The following HDAC8 variants were observed in gnomAD, a reference collection of about 807,000 sequenced individuals.
HDAC8 encodes the protein histone deacetylase 8, also known as histone deacetylase-like 1.
A neutral mutation model predicts 32.2 loss-of-function variants in HDAC8; 1 was observed. That is an observed-to-expected ratio of 0.03 (90% CI 0.01 to 0.15). The LOEUF is 0.15. Among genes scored for constraint, HDAC8 ranks in the 10% least tolerant of loss-of-function variants. The pLI is 1.00. For synonymous variants in HDAC8, 108 were observed against 113.9 expected (o/e 0.95, Z 0.33); for missense variants, 117 against 300.0 (o/e 0.39, Z 4.51).
intron 9 of HDAC8, among the ~76,000 whole-genome samples, chrX:72,419,985 A>G (rs978046627): frequency 9.0e-6 from 1 of 111,551 alleles, no homozygotes; most frequent in African/African-American, 3.2e-5. Context: ...TGACGTTAAT[A>G]TATGGTTAGA....
chrX:72,413,870 T>A (rs781802246), intron 9 of HDAC8, among the ~76,000 whole-genome samples: 14 of 112,281 alleles, frequency 1.2e-4, no homozygotes, highest in African/African-American at 3.9e-4. Context: ...GTCTCAGGTA[T>A]GTCCTTATAG....
At chrX:72,397,366 A>C (rs2045791779) in intron 9 of HDAC8, among the ~76,000 whole-genome samples, 1 of 112,188 alleles carries the variant, frequency 8.9e-6, no homozygotes. Context: ...CTACTCTGAA[A>C]GTGTCAGAGA....
At chrX:72,357,721 G>C (rs781852278) in intron 9 of HDAC8, among the ~76,000 whole-genome samples, 1 of 110,433 alleles carries the variant, frequency 9.1e-6, no homozygotes, top group African/African-American at 3.3e-5. Context: ...GACTCCCAGC[G>C]GATGCCTAAA....
At chrX:72,560,212 T>C (rs1182698162) in intron 4 of HDAC8, among the ~76,000 whole-genome samples, 1 of 112,211 alleles carries the variant, frequency 8.9e-6, no homozygotes, top group African/African-American at 3.2e-5. Context: ...TTTTGTTCTG[T>C]ACTAAGAAAA....
chrX:72,429,015 C>CTTTTTTT, intron 9 of HDAC8, among the ~76,000 whole-genome samples: 1 of 94,268 alleles, frequency 1.1e-5, no homozygotes, highest in African/African-American at 3.8e-5. Context: ...TCCTTTCTTT[C>CTTTTTTT]TTTCTTTCTT....
At chrX:72,496,768 T>C (rs1367188554) in intron 4 of HDAC8, among the ~76,000 whole-genome samples, 1 of 88,108 alleles carries the variant, frequency 1.1e-5, no homozygotes, top group East Asian at 3.5e-4. Flanking sequence ...ATTGGGGAGA[T>C]AAGGCATAAA....
At chrX:72,437,039 G>A (rs782188143) in intron 9 of HDAC8, among the ~76,000 whole-genome samples, 1 of 112,037 alleles carries the variant, frequency 8.9e-6, no homozygotes, top group Non-Finnish European at 1.9e-5. Flanking sequence ...GAGGGAACAG[G>A]TAGCTGGCAA....
intron 9 of HDAC8, among the ~76,000 whole-genome samples, chrX:72,382,217 G>A (rs1848142325): frequency 1.8e-5 from 2 of 112,390 alleles, no homozygotes; most frequent in South Asian, 3.7e-4. Context: ...GTCTGAAGAC[G>A]AGGAATTGCA....
Position 72,488,806 on chromosome X carries a change from T to C in HDAC8, c.737+127A>G, listed in dbSNP as rs1363812257. On this transcript the variant is annotated intron_variant, in intron 7 of 10. Transcript: ENST00000373573. Reference sequence around the variant, plus strand: ...GATCAAATAAGCATAATGACCAGTATACAAAAGCTTTATAGGTATATAGAT... The same window carrying C: ...GATCAAATAAGCATAATGACCAGTACACAAAAGCTTTATAGGTATATAGAT... The C allele has an allele frequency of 1.1e-5, 4 of 378,859 alleles. No homozygotes were observed. In the East Asian group the frequency reaches 1.3e-4, roughly 12 times the overall value. 31.2% of individuals were successfully genotyped at this position (378,859 alleles called of 1,213,427 possible).
At chrX:72,522,317 T>C (rs1187960700) in intron 4 of HDAC8, among the ~76,000 whole-genome samples, 1 of 112,599 alleles carries the variant, frequency 8.9e-6, no homozygotes, top group Non-Finnish European at 1.9e-5. Flanking sequence ...TGTTTGGTAT[T>C]TCTTTCCACT....
intron 9 of HDAC8, among the ~76,000 whole-genome samples, chrX:72,416,583 G>T (rs2046351300): frequency 9.6e-6 from 1 of 103,843 alleles, no homozygotes; most frequent in Non-Finnish European, 2.0e-5. Context: ...TACTTGCTTT[G>T]GTTTTATTTT....
rs782014512 is a variant in HDAC8 at position 72,534,453 on chromosome X, C to T, written c.437+33436G>A. 7.1e-4 allele frequency among the ~76,000 whole-genome samples: 77 copies of T among 108,686 alleles called. 2 individuals are homozygous for T. The highest frequency in any genetic ancestry group is 2.5e-3 in the African/African-American group (74 of 29,912). 94.4% of individuals were successfully genotyped at this position (108,686 alleles called of 115,157 possible). On this transcript the variant is annotated intron_variant, in intron 4 of 10. Transcript: ENST00000373573. ...CCTCCCGAATAGCTGGGACTATAGGCGCGCATCACCATGCCCGGCTAATTT... is the reference window on the plus strand; with the variant it reads ...CCTCCCGAATAGCTGGGACTATAGGTGCGCATCACCATGCCCGGCTAATTT...
intron 6 of HDAC8, among the ~76,000 whole-genome samples, chrX:72,490,485 C>T (rs1453837731): frequency 9.4e-6 from 1 of 106,877 alleles, no homozygotes; most frequent in Non-Finnish European, 1.9e-5. Context: ...TCATCATTCT[C>T]AGTAAACTAT....
chrX:72,392,463 T>C (rs1385933084), intron 9 of HDAC8, among the ~76,000 whole-genome samples: 2 of 109,916 alleles, frequency 1.8e-5, no homozygotes, highest in African/African-American at 6.9e-5. Context: ...CTAAAATCTG[T>C]ACTCCAGAGA....
chrX:72,518,948 G>A, intron 4 of HDAC8, among the ~76,000 whole-genome samples: 1 of 112,518 alleles, frequency 8.9e-6, no homozygotes, highest in Non-Finnish European at 1.9e-5. Context: ...TTGTATGAAT[G>A]TAACACAGCT....
chrX:72,410,565 C>T (rs982819471), intron 9 of HDAC8, among the ~76,000 whole-genome samples: 12 of 111,867 alleles, frequency 1.1e-4, no homozygotes, highest in Non-Finnish European at 1.9e-5. Context: ...ATCAACCTGG[C>T]CTCTCTGTGC....
chrX:72,334,070 T>C (rs1182331728), intron 10 of HDAC8, among the ~76,000 whole-genome samples: 1 of 112,270 alleles, frequency 8.9e-6, no homozygotes. Flanking sequence ...AAGTTGATGA[T>C]GAGCAATGTT....
In HDAC8 at chrX:72,388,677, C is replaced by T. The variant is rs556905378; in HGVS notation, c.1006-36839G>A. Among the ~76,000 whole-genome samples the T allele has an allele frequency of 6.3e-5, 7 of 110,798 alleles. No homozygotes were observed. The East Asian group carries it at 1.7e-3, about 27-fold the overall frequency. On this transcript the variant is annotated intron_variant, in intron 9 of 10. Coordinates refer to ENST00000373573, the MANE Select transcript of HDAC8 (RefSeq NM_018486.3). ...TTGTGTGTCTTCCTACCCCAATTCA[C>T]ACGTTGAAGCCCTAACCCCTAATGT...
At chrX:72,512,466 A>G (rs182659307) in intron 4 of HDAC8, among the ~76,000 whole-genome samples, 30 of 111,877 alleles carry the variant, frequency 2.7e-4, no homozygotes, top group Admixed American at 2.2e-3. Context: ...TATGAGTTCA[A>G]TTATATCGTG....
Sources: gnomAD v4.1 joint callset for allele counts (sites outside exome capture counted in the v4.1 genomes callset) on GRCh38, gnomAD v4.1.1 for gene constraint, MANE v1.5 for transcripts, NCBI Gene and HGNC (gene_info 2026-07-23, HGNC 2026-07-21) for gene names.